HYDIN: variants seen among roughly 807,000 people sequenced by gnomAD.
HYDIN encodes HYDIN axonemal central pair apparatus protein.
HYDIN carries 132 observed loss-of-function variants against 403.9 expected under a neutral mutation model. The ratio of observed to expected loss-of-function variants is 0.33; its 90% CI spans 0.28 to 0.38. The LOEUF is 0.38. Among genes scored for constraint, HYDIN ranks in the 10% least tolerant of loss-of-function variants. The pLI is 1.00. For synonymous variants in HYDIN, 1,202 were observed against 1,891.7 expected (o/e 0.64, Z 9.46); for missense variants, 2,827 against 5,009.5 (o/e 0.56, Z 13.15).
At chr16:71,031,199 C>CA (rs376968331) in intron 19 of HYDIN, among the ~76,000 whole-genome samples, 1,535 of 23,888 alleles carry the variant, frequency 0.064, 87 homozygotes, top group African/African-American at 0.097. Flanking sequence ...GACTCCATCT[C>CA]AAAAAAAAAA....
At position 70,920,677 on chromosome 16, in the gene HYDIN, G is replaced by A. The variant is rs781614256; in HGVS notation, c.7699C>T (p.Pro2567Ser). The A allele has an allele frequency of 2.5e-6, 4 of 1,613,114 alleles. No individual in the cohort carries two copies. The highest frequency in any genetic ancestry group is 2.5e-6 in the Non-Finnish European group (3 of 1,179,608). ...TCTGGTGTCTGGATGTCTAGGAAGG[G>A]TACGCCCAGGTCCTTCTCCTTCTTC... ...EGKKEKDLGV[P>S]FLDIQTPDFE... Residue 2567 changes from proline (P) to serine (S), a missense_variant, in exon 46 of 86, where the codon CCC (proline) becomes TCC (serine). Transcript: ENST00000393567.
chr16:71,012,894 A>G (rs2080137004), intron 23 of HYDIN, among the ~76,000 whole-genome samples: 1 of 146,634 alleles, frequency 6.8e-6, no homozygotes, highest in African/African-American at 2.5e-5. Context: ...TATGCCTGGA[A>G]CCTTTCTCTT....
At chr16:71,118,808 G>T (rs2084148249) in intron 9 of HYDIN, among the ~76,000 whole-genome samples, 1 of 152,122 alleles carries the variant, frequency 6.6e-6, no homozygotes, top group South Asian at 2.1e-4. Context: ...AGGCAGATGA[G>T]GCAGCTTAGC....
intron 1 of HYDIN, among the ~76,000 whole-genome samples, chr16:71,216,015 T>G (rs570552784): frequency 6.6e-6 from 1 of 152,158 alleles, no homozygotes; most frequent in Admixed American, 6.6e-5. Context: ...GCCAAGCACT[T>G]GCTGGTCGGG....
intron 30 of HYDIN, among the ~76,000 whole-genome samples, chr16:70,976,640 A>G (rs866031580): frequency 3.2e-4 from 46 of 143,910 alleles, no homozygotes; most frequent in African/African-American, 1.2e-3. Flanking sequence ...TGCTGGGAAA[A>G]CCCTTTTTTT....
At chr16:71,104,044 C>T (rs1247184528) in intron 10 of HYDIN, among the ~76,000 whole-genome samples, 2 of 151,958 alleles carry the variant, frequency 1.3e-5, no homozygotes, top group Non-Finnish European at 2.9e-5. Flanking sequence ...GTAAGTGATA[C>T]TACCTTTTAA....
At chr16:71,179,070 T>C (rs745469647) in intron 3 of HYDIN, 23 bp from the exon 4 acceptor site, 16 of 1,599,714 alleles carry the variant, frequency 1.0e-5, no homozygotes, top group East Asian at 2.2e-5. Context: ...GAGTAAATTA[T>C]TGTTATAGTC....
At chr16:70,949,964 T>C (rs1597394328) in intron 41 of HYDIN, among the ~76,000 whole-genome samples, 1 of 152,136 alleles carries the variant, frequency 6.6e-6, no homozygotes, top group Non-Finnish European at 1.5e-5. Flanking sequence ...TTTTAGTTCA[T>C]CCATAAACGT....
In HYDIN at chr16:70,908,153, C is replaced by T. The variant is rs2076587410; in HGVS notation, c.8396+99G>A. On this transcript the variant is annotated intron_variant, in intron 49 of 85. Coordinates refer to ENST00000393567, the MANE Select transcript of HYDIN (RefSeq NM_001270974.2). ...GACAAGAGGGGCTGGGGTGCTGCCC[C>T]AGCTCCACGTTATGGTAAGAGCCAC... is the stretch of plus-strand genomic sequence containing the variant. The T allele has an allele frequency of 5.0e-6, 5 of 1,002,350 alleles. No homozygotes were observed. In the South Asian group the frequency reaches 8.0e-5, roughly 16 times the overall value. The allele number at this position is 1,002,350 out of a possible 1,614,324, so 62.1% of individuals were successfully genotyped here.
At chr16:70,826,525 T>C (rs2036598575) in intron 83 of HYDIN, among the ~76,000 whole-genome samples, 1 of 152,150 alleles carries the variant, frequency 6.6e-6, no homozygotes, top group Non-Finnish European at 1.5e-5. Context: ...TTTACTCATT[T>C]ATTGAGTAGG....
intron 45 of HYDIN, among the ~76,000 whole-genome samples, chr16:70,931,205 CTTCTGTTTT>C (rs2077312593): frequency 3.0e-5 from 3 of 99,442 alleles, no homozygotes; most frequent in African/African-American, 1.1e-4. Context: ...GTCTCTCTTT[CTTCTGTTTT>C]TTTTTTTTTT....
chr16:70,930,001 T>A (rs10451116), intron 45 of HYDIN, among the ~76,000 whole-genome samples: 7,527 of 151,510 alleles, frequency 0.05, 162 homozygotes, highest in African/African-American at 0.17. Flanking sequence ...ACAGACTGAA[T>A]GAAATAGAAA....
At chr16:70,859,660 T>C (rs967811312) in intron 71 of HYDIN, among the ~76,000 whole-genome samples, 2 of 152,352 alleles carry the variant, frequency 1.3e-5, no homozygotes, top group Non-Finnish European at 2.9e-5. Flanking sequence ...CCATGGGACA[T>C]GGCTCCACTC....
chr16:71,221,872 A>C (rs1239345705), intron 1 of HYDIN, among the ~76,000 whole-genome samples: 1 of 152,212 alleles, frequency 6.6e-6, no homozygotes, highest in African/African-American at 2.4e-5. Context: ...TATAACCTAA[A>C]TGAAGCTGTA....
chr16:71,101,959 G>A lies in HYDIN; in HGVS notation c.1328-8024C>T, dbSNP rs572454806. 5.8e-3 allele frequency among the ~76,000 whole-genome samples: 882 copies of A among 152,018 alleles called. 1 individual carries two copies. The highest frequency in any genetic ancestry group is 0.02 in the Middle Eastern group (6 of 294). On this transcript the variant is annotated intron_variant, in intron 10 of 85. Transcript: ENST00000393567. ...TTAGAAACAACACAAATGTCCAACT[G>A]GATAGGAATTTTTATATATTCAAAT...
intron 1 of HYDIN, among the ~76,000 whole-genome samples, chr16:71,219,412 CT>C (rs1282599305): frequency 6.6e-6 from 1 of 151,992 alleles, no homozygotes; most frequent in African/African-American, 2.4e-5. Context: ...ACCAAGTTGA[CT>C]TTTTGGTATT....
At chr16:71,032,065 T>C in intron 18 of HYDIN, 148 bp from the exon 19 acceptor site, 1 of 479,118 alleles carries the variant, frequency 2.1e-6, no homozygotes, top group East Asian at 3.1e-5. Flanking sequence ...CAGCTGGATG[T>C]TTGTTGGTTT....
At chr16:71,020,150 C>T (rs748573646) in intron 22 of HYDIN, 24 bp downstream of exon 22, 2 of 1,612,486 alleles carry the variant, frequency 1.2e-6, no homozygotes, top group South Asian at 1.1e-5. Context: ...GACAGCTTGC[C>T]AGAACAGACC....
chr16:70,905,619 T>A, intron 50 of HYDIN, among the ~76,000 whole-genome samples: 1 of 103,664 alleles, frequency 9.6e-6, no homozygotes, highest in African/African-American at 4.2e-5. Flanking sequence ...GGTGACGGAG[T>A]AAGACCCTAT....
Sources: gnomAD v4.1 joint callset for allele counts (sites outside exome capture counted in the v4.1 genomes callset) on GRCh38, gnomAD v4.1.1 for gene constraint, MANE v1.5 for transcripts, NCBI Gene and HGNC (gene_info 2026-07-23, HGNC 2026-07-21) for gene names.